The following TTC7B variants were observed in gnomAD, a reference collection of about 807,000 sequenced individuals.
The protein encoded by TTC7B is tetratricopeptide repeat protein 7B.
A neutral mutation model predicts 106.8 loss-of-function variants in TTC7B; 28 were observed. The ratio of observed to expected loss-of-function variants is 0.26; its 90% CI spans 0.19 to 0.36. The LOEUF is 0.36. Ranked by LOEUF, TTC7B falls within the 10% of genes least tolerant of loss-of-function variation. TTC7B has a pLI of 1.00. For missense variants in TTC7B, 862 were observed against 1,076.4 expected (o/e 0.80, Z 2.79); for synonymous variants, 405 against 430.6 (o/e 0.94, Z 0.74).
chr14:90,708,537 C>T (rs905446094), intron 5 of TTC7B, among the ~76,000 whole-genome samples: 2 of 152,182 alleles, frequency 1.3e-5, no homozygotes, highest in African/African-American at 2.4e-5. Flanking sequence ...CATCTGTTTA[C>T]AGCATGGTTC....
chr14:90,646,917 T>G (rs1443934657), intron 14 of TTC7B, 34 bp downstream of exon 14: 2 of 1,573,978 alleles, frequency 1.3e-6, no homozygotes, highest in Non-Finnish European at 8.7e-7. Context: ...AGATACAGAG[T>G]GCAGCAAGTA....
Position 90,622,739 on chromosome 14 carries a change from C to T in TTC7B, c.1752-4694G>A, listed in dbSNP as rs186767059. Among the ~76,000 whole-genome samples the T allele has an allele frequency of 2.1e-3, 314 of 152,016 alleles. 1 individual carries two copies. Among genetic ancestry groups the T allele is most frequent in the Non-Finnish European group, 3.7e-3 (251 of 67,948 alleles). The stretch of plus-strand genomic sequence containing the variant: ...AAGAGTGAGACCCTGCCCCCACTTC[C>T]CCCCAAAAGAATTATTTTGTTCACA... On this transcript the variant is annotated intron_variant, in intron 15 of 19. Coordinates refer to ENST00000328459, the MANE Select transcript of TTC7B (RefSeq NM_001010854.2).
At chr14:90,638,314 A>G (rs1337864504) in intron 15 of TTC7B, among the ~76,000 whole-genome samples, 2 of 152,202 alleles carry the variant, frequency 1.3e-5, no homozygotes, top group African/African-American at 4.8e-5. Flanking sequence ...ATCACCTCAG[A>G]AAAAAAGTCA....
At chr14:90,704,097 T>C (rs1444362720) in intron 5 of TTC7B, among the ~76,000 whole-genome samples, 2 of 152,158 alleles carry the variant, frequency 1.3e-5, no homozygotes, top group South Asian at 2.1e-4. Context: ...ATCTGCAAAA[T>C]AGGACTAACA....
At chr14:90,651,609 T>C (rs930115009) in intron 13 of TTC7B, among the ~76,000 whole-genome samples, 11 of 152,180 alleles carry the variant, frequency 7.2e-5, no homozygotes, top group African/African-American at 2.7e-4. Flanking sequence ...CTCCAAATCA[T>C]TTGAAATGGA....
chr14:90,706,433 G>A (rs1464583642), intron 5 of TTC7B, among the ~76,000 whole-genome samples: 1 of 152,128 alleles, frequency 6.6e-6, no homozygotes, highest in Non-Finnish European at 1.5e-5. Context: ...AAAGTGCTGG[G>A]ATTACAGGGG....
chr14:90,653,624 A>G (rs1293685544), intron 12 of TTC7B, among the ~76,000 whole-genome samples: 2 of 152,310 alleles, frequency 1.3e-5, no homozygotes, highest in South Asian at 4.1e-4. Context: ...CCTGGAGGAA[A>G]CTGTTTATGG....
chr14:90,755,826 T>A (rs934334169), intron 3 of TTC7B, among the ~76,000 whole-genome samples: 57 of 152,186 alleles, frequency 3.7e-4, no homozygotes, highest in African/African-American at 1.4e-3. Context: ...ATGAGCAAAA[T>A]AGCACTTGTT....
intron 19 of TTC7B, among the ~76,000 whole-genome samples, chr14:90,571,824 A>G (rs1433030176): frequency 3.9e-5 from 6 of 152,346 alleles, no homozygotes; most frequent in African/African-American, 7.2e-5. Context: ...GGAAAACTGC[A>G]GATGTGCCAA....
chr14:90,791,167 C>T (rs998304714), intron 1 of TTC7B, among the ~76,000 whole-genome samples: 3 of 152,136 alleles, frequency 2.0e-5, no homozygotes, highest in East Asian at 3.9e-4. Flanking sequence ...CACCATTCAC[C>T]GCTACTTAGT....
At chr14:90,629,354 G>T (rs1168603858) in intron 15 of TTC7B, among the ~76,000 whole-genome samples, 4 of 151,726 alleles carry the variant, frequency 2.6e-5, no homozygotes, top group African/African-American at 9.7e-5. Context: ...TTCACAGCTG[G>T]CTGGGTAACC....
chr14:90,654,389 T>C (rs748749642), intron 12 of TTC7B, among the ~76,000 whole-genome samples: 2 of 152,230 alleles, frequency 1.3e-5, no homozygotes, highest in Non-Finnish European at 2.9e-5. Context: ...TTAAATTTTC[T>C]GCAAATATCA....
At chr14:90,700,526 C>A (rs1445563624) in intron 5 of TTC7B, among the ~76,000 whole-genome samples, 2 of 151,840 alleles carry the variant, frequency 1.3e-5, no homozygotes, top group Admixed American at 1.3e-4. Flanking sequence ...CTGGGCACCC[C>A]CAAAAGAAAG....
At chr14:90,673,432 G>C (rs1048539582) in intron 9 of TTC7B, among the ~76,000 whole-genome samples, 71 of 152,262 alleles carry the variant, frequency 4.7e-4, no homozygotes, top group African/African-American at 1.7e-3. Context: ...AAAACAAAAA[G>C]AGAAAAAAGA....
intron 3 of TTC7B, among the ~76,000 whole-genome samples, chr14:90,765,526 G>A (rs1890646744): frequency 6.6e-6 from 1 of 152,104 alleles, no homozygotes; most frequent in South Asian, 2.1e-4. Flanking sequence ...CCGGGAAGAT[G>A]GTGGACTATG....
intron 19 of TTC7B, among the ~76,000 whole-genome samples, chr14:90,552,949 A>G (rs1890148969): frequency 2.6e-5 from 4 of 152,240 alleles, no homozygotes; most frequent in Admixed American, 2.0e-4. Flanking sequence ...CCAGTCAGAC[A>G]TAGGGGTGTG....
chr14:90,676,383 C>T lies in TTC7B; in HGVS notation c.1152+140G>A, dbSNP rs1040379945. 6.2e-5 allele frequency: 63 copies of T among 1,013,094 alleles called. 1 individual carries two copies. In the Admixed American group the frequency reaches 1.5e-3, roughly 23 times the overall value. The allele number at this position is 1,013,094 out of a possible 1,614,324, so 62.8% of individuals were successfully genotyped here. On this transcript the variant is annotated intron_variant, in intron 9 of 19. Transcript: ENST00000328459. ...AGGCCCATTCTACAGGGGAGAAAACCAAAGTTAAGTGACTGGCCCAAGATC... is the reference window on the plus strand; with the variant it reads ...AGGCCCATTCTACAGGGGAGAAAACTAAAGTTAAGTGACTGGCCCAAGATC...
chr14:90,629,693 GAAAGA>G (rs992830020), intron 15 of TTC7B, among the ~76,000 whole-genome samples: 19 of 152,246 alleles, frequency 1.2e-4, no homozygotes, highest in South Asian at 4.1e-4. Context: ...GGAGATCTTG[GAAAGA>G]AAAGCACAAA....
intron 5 of TTC7B, among the ~76,000 whole-genome samples, chr14:90,729,165 A>T (rs1889228415): frequency 6.6e-6 from 1 of 152,266 alleles, no homozygotes; most frequent in Non-Finnish European, 1.5e-5. Context: ...CTTGAAAAAT[A>T]GGCATTTATT....
Sources: gnomAD v4.1 joint callset for allele counts (sites outside exome capture counted in the v4.1 genomes callset) on GRCh38, gnomAD v4.1.1 for gene constraint, MANE v1.5 for transcripts, NCBI Gene and HGNC (gene_info 2026-07-23, HGNC 2026-07-21) for gene names.